Variants in YARS1 observed in about 807,000 individuals in gnomAD.
YARS1 encodes the protein tyrosyl-tRNA synthetase 1.
Under a neutral mutation model 62.2 loss-of-function variants are expected in YARS1, and 36 were observed. That is an observed-to-expected ratio of 0.58 (90% confidence interval 0.44 to 0.76). YARS1 has a LOEUF of 0.76. YARS1 is among the 30% of genes least tolerant of loss of function. The probability of loss-of-function intolerance (pLI) is 0.00; values close to 1 mark genes in which losing one functional copy is unlikely to be tolerated. For synonymous variants in YARS1, 234 were observed against 244.9 expected (o/e 0.96, Z 0.42); for missense variants, 524 against 639.8 (o/e 0.82, Z 1.95).
At chr1:32,794,386 A>C in intron 5 of YARS1, among the ~76,000 whole-genome samples, 1 of 151,952 alleles carries the variant, frequency 6.6e-6, no homozygotes, top group East Asian at 1.9e-4. Context: ...AAAGTCTTTA[A>C]GATTTATTTT....
At chr1:32,804,415 G>A (rs1638394404) in intron 4 of YARS1, among the ~76,000 whole-genome samples, 2 of 151,070 alleles carry the variant, frequency 1.3e-5, no homozygotes, top group Middle Eastern at 3.4e-3. Context: ...GCCGGGCGGC[G>A]GCTGCCCCCC....
At chr1:32,804,154 A>T (rs1333364171) in intron 4 of YARS1, among the ~76,000 whole-genome samples, 1 of 152,262 alleles carries the variant, frequency 6.6e-6, no homozygotes, top group Non-Finnish European at 1.5e-5. Context: ...ACACAGACAC[A>T]GTAACAATCT....
intron 4 of YARS1, 116 bp downstream of exon 4, chr1:32,806,366 C>T: frequency 6.4e-7 from 1 of 1,562,154 alleles, no homozygotes; most frequent in East Asian, 2.3e-5. Flanking sequence ...CACACACCTT[C>T]AATTTGTAAA....
chr1:32,805,702 C>A (rs910722019), intron 4 of YARS1, among the ~76,000 whole-genome samples: 2 of 152,286 alleles, frequency 1.3e-5, no homozygotes, highest in African/African-American at 4.8e-5. Context: ...TAGCTCACGT[C>A]TATAATCCCA....
intron 12 of YARS1, among the ~76,000 whole-genome samples, chr1:32,777,184 T>C (rs1342312462): frequency 1.3e-5 from 2 of 151,818 alleles, no homozygotes; most frequent in Non-Finnish European, 2.9e-5. Context: ...CATACGCCAC[T>C]GTGCCTGGCT....
At chr1:32,788,876 G>A (rs1653324502) in intron 6 of YARS1, among the ~76,000 whole-genome samples, 2 of 152,272 alleles carry the variant, frequency 1.3e-5, no homozygotes, top group Admixed American at 6.5e-5. Context: ...CCTGGCTGGA[G>A]TGTGGTGGCA....
chr1:32,786,842 G>A, intron 7 of YARS1, 98 bp downstream of exon 7: 1 of 1,489,284 alleles, frequency 6.7e-7, no homozygotes, highest in South Asian at 1.2e-5. Flanking sequence ...AGGGCAGCCA[G>A]TCCCTGAAGG....
chr1:32,806,257 GA>G (rs760171846), intron 4 of YARS1, among the ~76,000 whole-genome samples: 5 of 152,170 alleles, frequency 3.3e-5, no homozygotes, highest in African/African-American at 4.8e-5. Context: ...GAAAAAGCTT[GA>G]AATACTGTGA....
At chr1:32,791,328 T>C in intron 5 of YARS1, 74 bp from the exon 6 acceptor site, 4 of 1,213,142 alleles carry the variant, frequency 3.3e-6, no homozygotes, top group Non-Finnish European at 4.9e-6. Context: ...CTCATCTGAC[T>C]TGGCCAGCAA....
chr1:32,804,028 C>T (rs537972019), intron 4 of YARS1, among the ~76,000 whole-genome samples: 1 of 152,232 alleles, frequency 6.6e-6, no homozygotes, highest in Admixed American at 6.5e-5. Context: ...GTGGACACAG[C>T]ACATGTTTCA....
rs189056077 is a variant in YARS1, at chr1:32,795,188, G to C, written c.591+2575C>G. On this transcript the variant is annotated intron_variant, in intron 5 of 12. Transcript: ENST00000373477. ...CAAAAAATTAGCAGGGTGTGGTGGC[G>C]GGCGCCTGTAGTCCCAGCTACTTGG... 9.2e-3 allele frequency among the ~76,000 whole-genome samples: 1,385 copies of C among 150,748 alleles called. 26 individuals are homozygous for C. The highest frequency in any genetic ancestry group is 0.032 in the African/African-American group (1,312 of 41,008).
At position 32,798,151 on chromosome 1, in the gene YARS1, C is replaced by T. The variant is rs112036210; in HGVS notation, c.511-308G>A. 1.7e-3 allele frequency: 618 copies of T among 371,870 alleles called. 7 individuals carry two copies. Among genetic ancestry groups the T allele is most frequent in the African/African-American group, 0.012 (575 of 48,036 alleles). The allele number at this position is 371,870 out of a possible 1,614,324, so 23.0% of individuals were successfully genotyped here. ...CCTCCCAAAGTGCTGGGATTACAGG[C>T]GAGAGCCACCATGCCCAGCCTAAAC... On this transcript the variant is annotated intron_variant, in intron 4 of 12. Coordinates refer to ENST00000373477, the MANE Select transcript of YARS1 (RefSeq NM_003680.4).
At chr1:32,799,053 A>G (rs1456423026) in intron 4 of YARS1, among the ~76,000 whole-genome samples, 1 of 152,198 alleles carries the variant, frequency 6.6e-6, no homozygotes, top group Non-Finnish European at 1.5e-5. Context: ...AAAAGAAGAA[A>G]TTATCTCTAT....
At chr1:32,794,735 C>T (rs1047685034) in intron 5 of YARS1, among the ~76,000 whole-genome samples, 1 of 149,508 alleles carries the variant, frequency 6.7e-6, no homozygotes, top group African/African-American at 2.5e-5. Flanking sequence ...AGGCTGGGTG[C>T]GGTGACTCAT....
chr1:32,775,721 C>A lies in YARS1; in HGVS notation c.*260G>T, dbSNP rs544493865. On this transcript the variant is annotated 3_prime_UTR_variant, in exon 13 of 13. Transcript: ENST00000373477. ...TTATATTGAAACCAGATTTCTCCAG[C>A]TGCCAAGGGAAGAAGGTAGGGCTGG... 3.6e-6 allele frequency: 2 copies of A among 549,900 alleles called. No individual in the cohort carries two copies. Among genetic ancestry groups the A allele is most frequent in the East Asian group, 3.0e-5 (1 of 33,418 alleles). 34.1% of individuals were successfully genotyped at this position (549,900 alleles called of 1,614,324 possible).
rs939290111 is a variant in YARS1 at position 32,776,949 on chromosome 1, A to G, written c.1477-858T>C. 6.6e-6 allele frequency among the ~76,000 whole-genome samples: 1 copy of G among 151,924 alleles called. No homozygotes were observed. Among genetic ancestry groups the G allele is most frequent in the Non-Finnish European group, 1.5e-5 (1 of 67,972 alleles). Reference sequence around the variant, plus strand: ...GCCACCACACTCCAGCCTGGGTGACAGAGTGAGACTCCGTCTCCAAAAAAA... The same window carrying G: ...GCCACCACACTCCAGCCTGGGTGACGGAGTGAGACTCCGTCTCCAAAAAAA... On this transcript the variant is annotated intron_variant, in intron 12 of 12. Coordinates refer to ENST00000373477, the MANE Select transcript of YARS1 (RefSeq NM_003680.4). The surrounding 1 kb of genome is among the most constrained non-coding windows in gnomAD (Gnocchi z 4.0).
At chr1:32,798,717 G>C (rs1413828390) in intron 4 of YARS1, among the ~76,000 whole-genome samples, 1 of 152,220 alleles carries the variant, frequency 6.6e-6, no homozygotes, top group Non-Finnish European at 1.5e-5. Flanking sequence ...AGCTACTCAG[G>C]AGGCTGAGGT....
chr1:32,782,262 T>C lies in YARS1; in HGVS notation c.1042+142A>G. On this transcript the variant is annotated intron_variant, in intron 9 of 12. Transcript: ENST00000373477. ...CAAATCAAAATGACTCAAGTTCCAT[T>C]CTAGGAGCCAGTAGGACATGACATT... 4 of 1,407,000 alleles carry C rather than the reference T, an allele frequency of 2.8e-6. No homozygotes were observed. In the South Asian group the frequency reaches 4.8e-5, roughly 17 times the overall value. 87.2% of individuals were successfully genotyped at this position (1,407,000 alleles called of 1,614,324 possible). A position where few individuals can be genotyped will look rare whatever the true frequency, so the allele number is the denominator to read the frequency against.
intron 4 of YARS1, among the ~76,000 whole-genome samples, chr1:32,805,183 G>A (rs1343289867): frequency 6.9e-6 from 1 of 143,956 alleles, no homozygotes; most frequent in African/African-American, 2.5e-5. Context: ...CGGCAGTACA[G>A]TCCAGCCTCG....
Sources: gnomAD v4.1 joint callset for allele counts (sites outside exome capture counted in the v4.1 genomes callset) on GRCh38, gnomAD v4.1.1 for gene constraint, Gnocchi (gnomAD v3.1) non-coding constraint, MANE v1.5 for transcripts, NCBI Gene and HGNC (gene_info 2026-07-23, HGNC 2026-07-21) for gene names.